MUC7: variants seen among roughly 807,000 people sequenced by gnomAD.
MUC7 encodes the protein mucin-7.
In MUC7, 2 loss-of-function variants were observed where a neutral mutation model predicts 2.5. The ratio of observed to expected loss-of-function variants is 0.81; its 90% CI spans 0.33 to 2.55. The LOEUF (loss-of-function observed/expected upper bound fraction) is 2.55. MUC7 is among the 30% of genes most tolerant of loss of function. The pLI is 0.11. For synonymous variants in MUC7, 133 were observed against 173.4 expected, an observed-to-expected ratio of 0.77 and a Z score of 1.83; for missense variants, 408 against 455.6, an observed-to-expected ratio of 0.90 and a Z score of 0.95.
chr4:70,438,242 C>A (rs1451808757), intron 1 of MUC7, among the ~76,000 whole-genome samples: 1 of 152,154 alleles, frequency 6.6e-6, no homozygotes, highest in African/African-American at 2.4e-5. Context: ...TCAACATCAT[C>A]CCCAACCAAA....
At chr4:70,474,272 C>G (rs1169644175) in intron 2 of MUC7, among the ~76,000 whole-genome samples, 197 bp downstream of exon 2, 1 of 151,898 alleles carries the variant, frequency 6.6e-6, no homozygotes, top group Non-Finnish European at 1.5e-5. Context: ...CTATGGGAAG[C>G]CTAGGAGGGA....
chr4:70,432,628 T>C (rs1733707174), intron 1 of MUC7, among the ~76,000 whole-genome samples: 1 of 152,194 alleles, frequency 6.6e-6, no homozygotes, highest in African/African-American at 2.4e-5. Flanking sequence ...TCTTTGTAGA[T>C]TCTTGATATT....
chr4:70,467,444 AC>A (rs1734710091), upstream of MUC7, among the ~76,000 whole-genome samples: 1 of 152,186 alleles, frequency 6.6e-6, no homozygotes, highest in Non-Finnish European at 1.5e-5. Flanking sequence ...ACACAAAAAA[AC>A]CCTTCAAAAA....
In MUC7 at chr4:70,467,036, G is replaced by T. The variant is rs7692087; in HGVS notation, c.-92-5179G>T. 8.9e-3 allele frequency among the ~76,000 whole-genome samples: 1,354 copies of T among 152,192 alleles called. 19 individuals carry two copies. The highest frequency in any genetic ancestry group is 0.031 in the African/African-American group (1,287 of 41,524). The stretch of plus-strand genomic sequence containing the variant: ...AAAACACTCCTCAGCAAATGCAAAA[G>T]AATGGAAATCATAACAAACAGTCTC... On this transcript the variant is annotated intron_variant, in intron 1 of 3. Coordinates refer to the MUC7 transcript ENST00000413702.
At chr4:70,473,826 T>C (rs1734911542) in intron 1 of MUC7, among the ~76,000 whole-genome samples, 181 bp from the exon 2 acceptor site, 1 of 152,200 alleles carries the variant, frequency 6.6e-6, no homozygotes, top group African/African-American at 2.4e-5. Flanking sequence ...TCTAAAAGAA[T>C]GCATTTTAGG....
rs575379601 is a variant in MUC7 at position 70,480,980 on chromosome 4, A to G, written c.236A>G (p.Asn79Ser). ...RCRPKLPPSP[N>S]NPPKFPNPHQ... Reference sequence around the variant, plus strand: ...AGGCCTAAGCTTCCACCTTCACCTAATAACCCCCCCAAATTCCCAAATCCT... The same window carrying G: ...AGGCCTAAGCTTCCACCTTCACCTAGTAACCCCCCCAAATTCCCAAATCCT... The change falls in exon 3 of 3, where the codon AAT (asparagine) becomes AGT (serine). Residue 79 changes from asparagine to serine, a missense_variant. Asn to Ser is a conservative substitution (Grantham distance 46). Transcript: ENST00000304887. The G allele has an allele frequency of 8.6e-5, 139 of 1,613,894 alleles. 2 individuals are homozygous for G. The South Asian group carries it at 1.4e-3, about 16-fold the overall frequency.
chr4:70,479,602 T>A (rs553351083), intron 2 of MUC7, among the ~76,000 whole-genome samples: 2 of 152,308 alleles, frequency 1.3e-5, no homozygotes, highest in East Asian at 3.9e-4. Flanking sequence ...ATATAACTGA[T>A]CACTAAAAAA....
rs115481653 is a variant in MUC7 at position 70,463,508 on chromosome 4, T to C, written c.-92-8707T>C. 3.4e-3 allele frequency among the ~76,000 whole-genome samples: 524 copies of C among 152,316 alleles called. 1 individual carries two copies. The highest frequency in any genetic ancestry group is 0.012 in the African/African-American group (507 of 41,572). ...GCATTTTGGTGTAGAAGTGAAAGTATAGTGAGGAACAGAAAAACAGCTGTA... is the reference window on the plus strand; with the variant it reads ...GCATTTTGGTGTAGAAGTGAAAGTACAGTGAGGAACAGAAAAACAGCTGTA... On this transcript the variant is annotated intron_variant, in intron 1 of 3. Coordinates refer to the MUC7 transcript ENST00000413702.
At chr4:70,468,483 G>A (rs1390671913), upstream of MUC7, among the ~76,000 whole-genome samples, 1 of 152,180 alleles carries the variant, frequency 6.6e-6, no homozygotes, top group Non-Finnish European at 1.5e-5. Context: ...TCTGTTTGCA[G>A]ATGACATGAT....
intron 1 of MUC7, among the ~76,000 whole-genome samples, chr4:70,460,708 T>C (rs6827615): frequency 0.83 from 126,216 of 152,034 alleles, 52,626 homozygotes; most frequent in Middle Eastern, 0.9. Context: ...CTGAGGACCC[T>C]GCAGTGCCTT....
chr4:70,477,319 AGAAT>A (rs1735032545), intron 2 of MUC7, among the ~76,000 whole-genome samples: 1 of 152,130 alleles, frequency 6.6e-6, no homozygotes, highest in Non-Finnish European at 1.5e-5. Flanking sequence ...CTGAGGCAGG[AGAAT>A]CCCTTGAACC....
intron 1 of MUC7, among the ~76,000 whole-genome samples, chr4:70,433,243 T>C (rs977402608): frequency 2.0e-5 from 3 of 152,130 alleles, no homozygotes; most frequent in African/African-American, 7.2e-5. Flanking sequence ...AAATTTAAAG[T>C]AGTTTTTTTC....
intron 1 of MUC7, among the ~76,000 whole-genome samples, chr4:70,438,063 G>A (rs1035343477): frequency 2.0e-5 from 3 of 152,166 alleles, no homozygotes; most frequent in African/African-American, 4.8e-5. Flanking sequence ...CATGTGGAAT[G>A]TAGAACAGCA....
At chr4:70,454,738 T>G (rs1734373595) in intron 1 of MUC7, among the ~76,000 whole-genome samples, 1 of 152,158 alleles carries the variant, frequency 6.6e-6, no homozygotes, top group Non-Finnish European at 1.5e-5. Context: ...GCCATCTTGG[T>G]CCACCCCTCC....
upstream of MUC7, among the ~76,000 whole-genome samples, chr4:70,471,339 T>C (rs1374988576): frequency 2.0e-5 from 3 of 152,174 alleles, no homozygotes; most frequent in East Asian, 3.8e-4. Flanking sequence ...AACAAGTCAC[T>C]GCAACACACG....
rs779539277 is a variant in MUC7, at chr4:70,474,101, T to C, written c.54+26T>C. 2.0e-5 allele frequency: 32 copies of C among 1,600,510 alleles called. 1 individual carries two copies. In the South Asian group the frequency reaches 3.5e-4, roughly 18 times the overall value. On this transcript the variant is annotated intron_variant, in intron 2 of 2. Transcript: ENST00000304887. ...GTAAGTATTCACCCAAATAAGTTTTTTCCTTAACTATCAATAACAAACATT... is the reference window on the plus strand; with the variant it reads ...GTAAGTATTCACCCAAATAAGTTTTCTCCTTAACTATCAATAACAAACATT...
intron 1 of MUC7, among the ~76,000 whole-genome samples, chr4:70,451,991 T>C (rs1024658355): frequency 3.3e-5 from 5 of 152,348 alleles, no homozygotes; most frequent in Middle Eastern, 3.4e-3. Context: ...TCTTGCTGAA[T>C]TGACATTTAT....
intron 1 of MUC7, among the ~76,000 whole-genome samples, chr4:70,446,921 C>T (rs1370055915): frequency 5.3e-5 from 8 of 152,048 alleles, no homozygotes; most frequent in African/African-American, 1.9e-4. Context: ...CTGATTATCT[C>T]TTATATTAAT....
Position 70,465,945 on chromosome 4 carries a change from G to A in MUC7, c.-92-6270G>A, listed in dbSNP as rs543502734. The stretch of plus-strand genomic sequence containing the variant: ...AAGAACAACCCCAAGACAAATAATC[G>A]TCAGATTCACCAACATTGAAGTGAA... On this transcript the variant is annotated intron_variant, in intron 1 of 3. Transcript: ENST00000413702. Among the ~76,000 whole-genome samples the A allele has an allele frequency of 1.3e-3, 202 of 152,196 alleles. 1 individual carries two copies. The highest frequency in any genetic ancestry group is 4.3e-3 in the African/African-American group (178 of 41,556).
Sources: allele counts gnomAD v4.1 joint callset (sites outside exome capture counted in the v4.1 genomes callset), GRCh38; gene constraint gnomAD v4.1.1; transcripts MANE v1.5; gene names NCBI Gene and HGNC (gene_info 2026-07-23, HGNC 2026-07-21).